Variants in NMNAT2 observed in about 807,000 individuals in gnomAD.
NMNAT2 encodes nicotinamide nucleotide adenylyltransferase 2.
NMNAT2 carries 11 observed loss-of-function variants against 41.6 expected under a neutral mutation model. That is an observed-to-expected ratio of 0.26 (90% CI 0.17 to 0.44). NMNAT2 has a LOEUF of 0.44. Ranked by LOEUF, NMNAT2 falls within the 20% of genes least tolerant of loss-of-function variation. NMNAT2 has a pLI of 1.00. For missense variants in NMNAT2, 288 were observed against 407.7 expected (o/e 0.71, Z 2.53); for synonymous variants, 148 against 151.2 (o/e 0.98, Z 0.16).
chr1:183,334,804 C>T (rs567378163), intron 1 of NMNAT2, among the ~76,000 whole-genome samples: 9 of 151,876 alleles, frequency 5.9e-5, no homozygotes, highest in Non-Finnish European at 1.2e-4. Context: ...GCCACCGCAC[C>T]TGGCCCAAGG....
chr1:183,277,222 C>T (rs912827721), intron 8 of NMNAT2, among the ~76,000 whole-genome samples: 8 of 152,248 alleles, frequency 5.3e-5, no homozygotes, highest in African/African-American at 1.9e-4. Context: ...GTGCCTCACG[C>T]CTGTAATCCC....
chr1:183,300,003 G>A (rs1304654050), intron 1 of NMNAT2, among the ~76,000 whole-genome samples: 1 of 152,152 alleles, frequency 6.6e-6, no homozygotes, highest in African/African-American at 2.4e-5. Flanking sequence ...TGGGGCCTTT[G>A]GGAGGTGACT....
chr1:183,366,674 G>T (rs1035349117), intron 1 of NMNAT2, among the ~76,000 whole-genome samples: 1 of 152,176 alleles, frequency 6.6e-6, no homozygotes, highest in Non-Finnish European at 1.5e-5. Context: ...TGGGTGCAGG[G>T]ATAGATGGTG....
At chr1:183,378,447 C>T (rs370922100) in intron 1 of NMNAT2, among the ~76,000 whole-genome samples, 35 of 150,822 alleles carry the variant, frequency 2.3e-4, no homozygotes, top group Non-Finnish European at 3.5e-4. Context: ...CCCAGCTACT[C>T]GGGAGGCTGA....
In NMNAT2 at chr1:183,357,789, G is replaced by A. The variant is rs113724211; in HGVS notation, c.85+60394C>T. Among the ~76,000 whole-genome samples the A allele has an allele frequency of 1.5e-3, 225 of 152,112 alleles. 1 individual carries two copies. The highest frequency in any genetic ancestry group is 4.4e-3 in the African/African-American group (183 of 41,478). ...ACTTTTTTTCATATGATTGTTGGCC[G>A]CGTGTATGTCTTCTTTTGGAAAGTG... is the stretch of plus-strand genomic sequence containing the variant. On this transcript the variant is annotated intron_variant, in intron 1 of 10. Transcript: ENST00000287713.
At chr1:183,368,805 G>A (rs991006735) in intron 1 of NMNAT2, among the ~76,000 whole-genome samples, 6 of 152,212 alleles carry the variant, frequency 3.9e-5, no homozygotes, top group Admixed American at 1.3e-4. Context: ...TAGATTCATA[G>A]TTCTTTTGTT....
At chr1:183,352,923 T>C (rs1385495772) in intron 1 of NMNAT2, among the ~76,000 whole-genome samples, 1 of 152,216 alleles carries the variant, frequency 6.6e-6, no homozygotes, top group Non-Finnish European at 1.5e-5. Context: ...GGGGCCTGCA[T>C]GGCCTGGGCA....
chr1:183,400,149 T>C (rs1297593459), intron 1 of NMNAT2, among the ~76,000 whole-genome samples: 4 of 152,184 alleles, frequency 2.6e-5, no homozygotes, highest in Non-Finnish European at 5.9e-5. Context: ...GACATGATTG[T>C]ATATTTAGAA....
At chr1:183,365,504 C>T (rs1192856305) in intron 1 of NMNAT2, among the ~76,000 whole-genome samples, 1 of 152,070 alleles carries the variant, frequency 6.6e-6, no homozygotes, top group African/African-American at 2.4e-5. Flanking sequence ...TGCCTGTAAT[C>T]TCAGCACTTT....
At position 183,384,603 on chromosome 1, in the gene NMNAT2, C is replaced by T. The variant is rs545008581; in HGVS notation, c.85+33580G>A. On this transcript the variant is annotated intron_variant, in intron 1 of 10. Coordinates refer to ENST00000287713, the MANE Select transcript of NMNAT2 (RefSeq NM_015039.4). ...ATGATCCAGTCACCTTCCACTAGGC[C>T]CCTTCTCCAACATTGGGGATGACAA... 6.6e-5 allele frequency among the ~76,000 whole-genome samples: 10 copies of T among 152,274 alleles called. No homozygotes were observed. The South Asian group carries it at 2.1e-3, about 32-fold the overall frequency.
chr1:183,340,982 T>C (rs1158095916), intron 1 of NMNAT2, among the ~76,000 whole-genome samples: 1 of 152,236 alleles, frequency 6.6e-6, no homozygotes, highest in Non-Finnish European at 1.5e-5. Flanking sequence ...GATGATGAGC[T>C]GTGAGAGGAG....
intron 1 of NMNAT2, among the ~76,000 whole-genome samples, chr1:183,412,698 T>C (rs1321830088): frequency 6.6e-6 from 1 of 152,178 alleles, no homozygotes; most frequent in Non-Finnish European, 1.5e-5. Context: ...ATAAAGAGAT[T>C]CCAAAACATT....
At chr1:183,290,293 G>T in intron 3 of NMNAT2, 87 bp from the exon 4 acceptor site, 1 of 1,108,516 alleles carries the variant, frequency 9.0e-7, no homozygotes, top group African/African-American at 1.6e-5. Context: ...AGCTCAGGAA[G>T]CATGGCAGAT....
At position 183,250,348 on chromosome 1, in the gene NMNAT2, C is replaced by G. The variant is rs1660342645; in HGVS notation, c.*2293G>C. On this transcript the variant is annotated 3_prime_UTR_variant, in exon 11 of 11. Coordinates refer to ENST00000287713, the MANE Select transcript of NMNAT2 (RefSeq NM_015039.4). ...CCAAGCTGCTGAGATCTCTTTATTT[C>G]TAAAGGAAACCTAACAGTGGCCTTC... 6.6e-6 allele frequency: 1 copy of G among 152,232 alleles called. No homozygotes were observed. The highest frequency in any genetic ancestry group is 1.9e-4 in the East Asian group (1 of 5,200). The allele number at this position is 152,232 out of a possible 1,614,324, so 9.4% of individuals were successfully genotyped here. A position where few individuals can be genotyped will look rare whatever the true frequency, so the allele number is the denominator to read the frequency against.
At position 183,389,812 on chromosome 1, in the gene NMNAT2, GA is replaced by G. The variant is rs1267820744; in HGVS notation, c.85+28370del. Among the ~76,000 whole-genome samples the G allele has an allele frequency of 6.6e-5, 4 of 60,754 alleles. 1 individual carries two copies. In the East Asian group the frequency reaches 3.4e-3, roughly 51 times the overall value. 39.9% of individuals were successfully genotyped at this position (60,754 alleles called of 152,430 possible). On this transcript the variant is annotated intron_variant, in intron 1 of 10. Coordinates refer to ENST00000287713, the MANE Select transcript of NMNAT2 (RefSeq NM_015039.4). Reference sequence around the variant, plus strand: ...AGAAAGAAAGAAAGAAAGAAAGAAAGAAAGAAAGAAAGAAAGAAAGAAAGAA... The same window carrying G: ...AGAAAGAAAGAAAGAAAGAAAGAAAGAAGAAAGAAAGAAAGAAAGAAAGAA...
intron 1 of NMNAT2, among the ~76,000 whole-genome samples, chr1:183,405,719 C>T (rs949509793): frequency 1.3e-5 from 2 of 152,210 alleles, no homozygotes; most frequent in Non-Finnish European, 2.9e-5. Flanking sequence ...GAGACGAAGT[C>T]TCACTTCAAG....
Position 183,290,161 on chromosome 1 carries a change from G to A in NMNAT2, c.288C>T (p.Cys96=), listed in dbSNP as rs1661502990. 4 of 1,587,018 alleles carry A rather than the reference G, an allele frequency of 2.5e-6. No homozygotes were observed. The East Asian group carries it at 6.8e-5, about 27-fold the overall frequency. ...ECYQDTWQTT[C]SVLEHHRDLM... ...GGTCCCGGTGGTGTTCCAACACGCTGCAGGTCGTCTGCCAGGTGTCCTGGT... is the reference window on the plus strand; with the variant it reads ...GGTCCCGGTGGTGTTCCAACACGCTACAGGTCGTCTGCCAGGTGTCCTGGT... Residue 96 remains cysteine, a synonymous_variant, in exon 4 of 11, where the codon TGC becomes TGT. Transcript: ENST00000287713.
At chr1:183,370,954 A>ATGAG (rs796238569) in intron 1 of NMNAT2, among the ~76,000 whole-genome samples, 1 of 152,174 alleles carries the variant, frequency 6.6e-6, no homozygotes, top group Non-Finnish European at 1.5e-5. Context: ...TGTTGAACCA[A>ATGAG]TGAGTGAGTG....
At chr1:183,331,671 G>C (rs1458853333) in intron 1 of NMNAT2, among the ~76,000 whole-genome samples, 1 of 152,234 alleles carries the variant, frequency 6.6e-6, no homozygotes, top group African/African-American at 2.4e-5. Context: ...CCTGGCGCCT[G>C]CACGCTGCTG....
Sources: gnomAD v4.1 joint callset for allele counts (sites outside exome capture counted in the v4.1 genomes callset) on GRCh38, gnomAD v4.1.1 for gene constraint, MANE v1.5 for transcripts, NCBI Gene and HGNC (gene_info 2026-07-23, HGNC 2026-07-21) for gene names.